The following NOX3 variants were observed in gnomAD, a reference collection of about 807,000 sequenced individuals.
NOX3 encodes NADPH oxidase catalytic subunit-like 3.
NOX3 carries 74 observed loss-of-function variants against 76.7 expected under a neutral mutation model. The ratio of observed to expected loss-of-function variants is 0.96; its 90% CI spans 0.80 to 1.17. The LOEUF is 1.17. Among genes scored for constraint, NOX3 ranks in the 50% most tolerant of loss-of-function variants. The pLI is 0.00. For missense variants in NOX3, 695 were observed against 703.3 expected, an observed-to-expected ratio of 0.99 and a Z score of 0.13; for synonymous variants, 263 against 261.1, an observed-to-expected ratio of 1.01 and a Z score of -0.07.
intron 11 of NOX3, among the ~76,000 whole-genome samples, chr6:155,410,296 A>AGTGTGT (rs142349696): frequency 0.081 from 12,131 of 149,398 alleles, 741 homozygotes; most frequent in African/African-American, 0.17. Flanking sequence ...CTATAAGGCC[A>AGTGTGT]GTGTGTGTGT....
chr6:155,427,108 C>G (rs1412445712), intron 9 of NOX3, among the ~76,000 whole-genome samples: 1 of 151,154 alleles, frequency 6.6e-6, no homozygotes, highest in Non-Finnish European at 1.5e-5. Flanking sequence ...GCTCTGCACT[C>G]TGAACCTTAA....
intron 12 of NOX3, among the ~76,000 whole-genome samples, chr6:155,401,469 C>T (rs1247576302): frequency 9.2e-5 from 14 of 152,154 alleles, no homozygotes; most frequent in Admixed American, 8.5e-4. Flanking sequence ...ATGCTATAAT[C>T]AGAATGCTAA....
chr6:155,441,174 T>C (rs988044526), intron 5 of NOX3, among the ~76,000 whole-genome samples: 9 of 152,224 alleles, frequency 5.9e-5, no homozygotes, highest in East Asian at 1.9e-4. Context: ...TCATTAGTAT[T>C]CATACATTGT....
intron 4 of NOX3, among the ~76,000 whole-genome samples, chr6:155,446,434 CA>C (rs1777065681): frequency 1.3e-5 from 2 of 152,246 alleles, no homozygotes; most frequent in African/African-American, 4.8e-5. Context: ...ATACAACAGA[CA>C]CTGTTGTAAA....
chr6:155,445,617 A>C (rs1450240606), intron 4 of NOX3, among the ~76,000 whole-genome samples: 1 of 152,006 alleles, frequency 6.6e-6, no homozygotes, highest in African/African-American at 2.4e-5. Flanking sequence ...CACCAGCACA[A>C]ATGATAGTAT....
intron 3 of NOX3, 82 bp downstream of exon 3, chr6:155,454,729 T>A (rs1312039104): frequency 6.2e-6 from 5 of 810,954 alleles, no homozygotes; most frequent in Non-Finnish European, 9.6e-6. Context: ...GAGAATTTCA[T>A]AATAAAGTAC....
At chr6:155,447,294 C>T (rs963629400) in intron 4 of NOX3, among the ~76,000 whole-genome samples, 1 of 152,068 alleles carries the variant, frequency 6.6e-6, no homozygotes, top group Non-Finnish European at 1.5e-5. Flanking sequence ...TCCTTGGCCT[C>T]CCAAAGTGCT....
chr6:155,400,375 C>T (rs1362200456), intron 12 of NOX3, among the ~76,000 whole-genome samples: 2 of 151,688 alleles, frequency 1.3e-5, no homozygotes, highest in Admixed American at 6.6e-5. Context: ...AGACCCTAAA[C>T]CCTATTTAAA....
intron 7 of NOX3, among the ~76,000 whole-genome samples, chr6:155,433,362 C>A (rs963148340): frequency 6.6e-6 from 1 of 152,022 alleles, no homozygotes; most frequent in African/African-American, 2.4e-5. Context: ...CCGGGACAGA[C>A]AAGAGAGAAT....
intron 7 of NOX3, 29 bp downstream of exon 7, chr6:155,436,389 T>C (rs185251566): frequency 6.2e-7 from 1 of 1,613,544 alleles, no homozygotes; most frequent in East Asian, 2.2e-5. Context: ...GTGACATTTA[T>C]TTTTAAAAGC....
rs1240199065 is a variant in NOX3 at position 155,430,749 on chromosome 6, T to C, written c.891+94A>G. The C allele has an allele frequency of 1.9e-5, 14 of 720,636 alleles. No individual in the cohort carries two copies. The Middle Eastern group carries it at 9.6e-4, about 50-fold the overall frequency. 44.6% of individuals were successfully genotyped at this position (720,636 alleles called of 1,614,324 possible). A position where few individuals can be genotyped will look rare whatever the true frequency, so the allele number is the denominator to read the frequency against. On this transcript the variant is annotated intron_variant, in intron 8 of 13. Coordinates refer to ENST00000159060, the MANE Select transcript of NOX3 (RefSeq NM_015718.3). ...AGATGAGCCTCTAAATTACAGACAG[T>C]TCTGCAATAAAAATGGCAAATTAAA...
chr6:155,454,158 A>G (rs1381287299), intron 3 of NOX3, among the ~76,000 whole-genome samples: 1 of 152,232 alleles, frequency 6.6e-6, no homozygotes, highest in Non-Finnish European at 1.5e-5. Context: ...GCGCTAGTAT[A>G]CTTGCTCCAC....
intron 12 of NOX3, among the ~76,000 whole-genome samples, chr6:155,405,305 C>T (rs1776432599): frequency 6.6e-6 from 1 of 152,096 alleles, no homozygotes; most frequent in South Asian, 2.1e-4. Flanking sequence ...GTATAGAAGA[C>T]CCAAGGGGCA....
intron 12 of NOX3, among the ~76,000 whole-genome samples, chr6:155,406,845 G>A (rs1240611302): frequency 6.6e-6 from 1 of 152,190 alleles, no homozygotes; most frequent in African/African-American, 2.4e-5. Context: ...GAGATCAACT[G>A]TACCCACCAA....
intron 4 of NOX3, among the ~76,000 whole-genome samples, chr6:155,446,664 T>G (rs1278414249): frequency 6.6e-6 from 1 of 152,190 alleles, no homozygotes; most frequent in South Asian, 2.1e-4. Flanking sequence ...TGAAAACTAG[T>G]TTTTTCTATG....
At chr6:155,418,481 C>T (rs1225944698) in intron 10 of NOX3, among the ~76,000 whole-genome samples, 2 of 152,184 alleles carry the variant, frequency 1.3e-5, no homozygotes, top group Non-Finnish European at 2.9e-5. Context: ...TCATGTATTA[C>T]AACTTTTTTC....
chr6:155,418,757 AGAG>A (rs1562462286), intron 10 of NOX3, among the ~76,000 whole-genome samples: 2 of 152,262 alleles, frequency 1.3e-5, no homozygotes. Context: ...ATAATGCAAC[AGAG>A]GAGAAGGGTA....
At chr6:155,447,687 AACAT>A (rs1777081502) in intron 4 of NOX3, among the ~76,000 whole-genome samples, 3 of 152,242 alleles carry the variant, frequency 2.0e-5, no homozygotes, top group Non-Finnish European at 4.4e-5. Context: ...CACAAGGTAG[AACAT>A]ACAAAGTGGA....
chr6:155,436,578 A>G (rs202017556), intron 6 of NOX3, 31 bp from the exon 7 acceptor site: 59 of 1,612,190 alleles, frequency 3.7e-5, no homozygotes, highest in Admixed American at 6.7e-5. Flanking sequence ...AAACAAAACA[A>G]AAAGCAAAAA....
Sources: allele counts gnomAD v4.1 joint callset (sites outside exome capture counted in the v4.1 genomes callset), GRCh38; gene constraint gnomAD v4.1.1; transcripts MANE v1.5; gene names NCBI Gene and HGNC (gene_info 2026-07-23, HGNC 2026-07-21).